The following RELL1 variants were observed in gnomAD, a reference collection of about 807,000 sequenced individuals.
RELL1 encodes the protein RELT like 1.
A neutral mutation model predicts 23.0 loss-of-function variants in RELL1; 10 were observed. The observed-to-expected ratio is 0.43, with a 90% CI of 0.27 to 0.74. The LOEUF (loss-of-function observed/expected upper bound fraction) is 0.74. Ranked by LOEUF, RELL1 falls within the 30% of genes least tolerant of loss-of-function variation. The probability of loss-of-function intolerance (pLI) is 0.19; values close to 1 mark genes in which losing one functional copy is unlikely to be tolerated. For synonymous variants in RELL1, 146 were observed against 146.8 expected, an observed-to-expected ratio of 0.99 and a Z score of 0.04; for missense variants, 315 against 364.4, an observed-to-expected ratio of 0.86 and a Z score of 1.10.
intron 1 of RELL1, among the ~76,000 whole-genome samples, chr4:37,653,404 ACAAG>A (rs1721018797): frequency 1.3e-5 from 2 of 150,412 alleles, no homozygotes. Flanking sequence ...AATATTCAAT[ACAAG>A]TATTGAAACC....
chr4:37,630,682 GT>G (rs925232235), intron 6 of RELL1, among the ~76,000 whole-genome samples: 85 of 148,204 alleles, frequency 5.7e-4, no homozygotes, highest in African/African-American at 2.0e-3. Flanking sequence ...GCTGCGTGTT[GT>G]TTTTTTTTTA....
chr4:37,649,562 C>T, intron 1 of RELL1, 62 bp from the exon 2 acceptor site: 1 of 1,430,126 alleles, frequency 7.0e-7, no homozygotes, highest in East Asian at 2.3e-5. Context: ...AACCTAATGA[C>T]TCTCAGGTAA....
intron 5 of RELL1, among the ~76,000 whole-genome samples, chr4:37,633,408 CAAAAAAAAAAAAAAAAAAAA>C (rs57256942): frequency 1.1e-4 from 7 of 62,992 alleles, no homozygotes; most frequent in South Asian, 7.3e-4. Flanking sequence ...GACTCCACCT[CAAAAAAAAAAAAAAAAAAAA>C]AAAAAAAAAA....
intron 4 of RELL1, among the ~76,000 whole-genome samples, 175 bp from the exon 5 acceptor site, chr4:37,635,298 G>A (rs911268597): frequency 1.4e-4 from 21 of 152,074 alleles, no homozygotes; most frequent in Non-Finnish European, 2.9e-5. Context: ...CAGTTCTCAT[G>A]ACCATGCGAT....
intron 1 of RELL1, among the ~76,000 whole-genome samples, chr4:37,664,372 C>CAAAAAAAAA (rs11286230): frequency 7.4e-6 from 1 of 134,502 alleles, no homozygotes. Flanking sequence ...GACTCCATCT[C>CAAAAAAAAA]AAAAAAAAAA....
At chr4:37,595,086 T>C (rs1390950321) in intron 6 of RELL1, among the ~76,000 whole-genome samples, 1 of 152,242 alleles carries the variant, frequency 6.6e-6, no homozygotes, top group Non-Finnish European at 1.5e-5. Context: ...TTAAACCTCA[T>C]GCATTTTTAA....
At chr4:37,686,122 G>C (rs2109323711) in intron 1 of RELL1, 78 bp downstream of exon 1, 1 of 1,256,296 alleles carries the variant, frequency 8.0e-7, no homozygotes, top group Non-Finnish European at 1.1e-6. Flanking sequence ...CGGGGCTGCC[G>C]TCCCGACCCC....
At chr4:37,605,993 G>A (rs1392558414), downstream of RELL1, among the ~76,000 whole-genome samples, 2 of 147,204 alleles carry the variant, frequency 1.4e-5, no homozygotes, top group African/African-American at 5.0e-5. Context: ...GAAGAAGGAA[G>A]AGAGGGTAGA....
At chr4:37,625,693 A>T (rs145002436) in intron 6 of RELL1, among the ~76,000 whole-genome samples, 194 of 152,310 alleles carry the variant, frequency 1.3e-3, no homozygotes, top group African/African-American at 4.0e-3. Context: ...TCTATTGCAC[A>T]ATATGGTGGC....
chr4:37,649,781 G>T (rs1170856111), intron 1 of RELL1, among the ~76,000 whole-genome samples: 1 of 152,230 alleles, frequency 6.6e-6, no homozygotes, highest in Non-Finnish European at 1.5e-5. Flanking sequence ...ATACAGGGTT[G>T]TCGTGAAGTG....
intron 3 of RELL1, 61 bp from the exon 4 acceptor site, chr4:37,638,565 C>T: frequency 7.8e-7 from 1 of 1,289,422 alleles, no homozygotes; most frequent in East Asian, 2.5e-5. Context: ...GTAATCACAT[C>T]AGAAAAGCTG....
At chr4:37,615,293 C>T (rs1460189083) in intron 6 of RELL1, among the ~76,000 whole-genome samples, 1 of 152,180 alleles carries the variant, frequency 6.6e-6, no homozygotes, top group East Asian at 1.9e-4. Flanking sequence ...GCTTAAAGTC[C>T]TCACTGCTAA....
chr4:37,634,799 C>T (rs1309052478), intron 5 of RELL1, 88 bp downstream of exon 5: 2 of 1,103,372 alleles, frequency 1.8e-6, no homozygotes, highest in Non-Finnish European at 2.8e-6. Flanking sequence ...GCACAGAGAA[C>T]ATATTCTACA....
chr4:37,611,981 T>C lies in RELL1; in HGVS notation c.*1365A>G, dbSNP rs1719400143. 6.6e-6 allele frequency among the ~76,000 whole-genome samples: 1 copy of C among 150,450 alleles called. No individual in the cohort carries two copies. The highest frequency in any genetic ancestry group is 2.1e-4 in the South Asian group (1 of 4,736). ...ACGAGGTCAGGAGATCGAGACCATC[T>C]TCGCTAATGCGGTGAAACCCCGTCT... is the stretch of plus-strand genomic sequence containing the variant. On this transcript the variant is annotated 3_prime_UTR_variant, in exon 7 of 7. Coordinates refer to ENST00000454158, the MANE Select transcript of RELL1 (RefSeq NM_001085400.2).
At chr4:37,669,460 C>T (rs1213770843) in intron 1 of RELL1, among the ~76,000 whole-genome samples, 22 of 146,836 alleles carry the variant, frequency 1.5e-4, no homozygotes, top group African/African-American at 4.4e-4. Flanking sequence ...AGGTGAGGGG[C>T]GCCTCTGCCC....
chr4:37,588,992 C>A, downstream of RELL1: 2 of 931,060 alleles, frequency 2.1e-6, no homozygotes, highest in Admixed American at 1.8e-5. Context: ...GTGCATTTAT[C>A]CAGCTTGGGG....
chr4:37,660,759 C>G (rs561029443), intron 1 of RELL1, among the ~76,000 whole-genome samples: 2 of 152,140 alleles, frequency 1.3e-5, no homozygotes, highest in East Asian at 3.9e-4. Flanking sequence ...AGGCCGGGCG[C>G]GGTGGCTCAC....
chr4:37,669,519 T>C (rs955099077), intron 1 of RELL1, among the ~76,000 whole-genome samples: 6 of 151,490 alleles, frequency 4.0e-5, no homozygotes, highest in Non-Finnish European at 7.4e-5. Context: ...GCCACCACCC[T>C]GTCTGGGAGG....
intron 1 of RELL1, among the ~76,000 whole-genome samples, chr4:37,673,559 G>A (rs78234612): frequency 0.014 from 2,136 of 152,194 alleles, 107 homozygotes; most frequent in South Asian, 0.14. Context: ...TTGAAAAATT[G>A]TTTCTATCTG....
Sources: allele counts gnomAD v4.1 joint callset (sites outside exome capture counted in the v4.1 genomes callset), GRCh38; gene constraint gnomAD v4.1.1; transcripts MANE v1.5; gene names NCBI Gene and HGNC (gene_info 2026-07-23, HGNC 2026-07-21).